Variants in CFAP20DC observed in about 807,000 individuals in gnomAD.
CFAP20DC encodes the protein CFAP20 domain containing.
A neutral mutation model predicts 101.7 loss-of-function variants in CFAP20DC; 84 were observed. That is an observed-to-expected ratio of 0.83 (90% CI 0.69 to 0.99). The LOEUF (loss-of-function observed/expected upper bound fraction) is 0.99, where lower values mean the gene tolerates loss of function less well. Among genes scored for constraint, CFAP20DC ranks in the 50% least tolerant of loss-of-function variants. CFAP20DC has a pLI of 0.00. For synonymous variants in CFAP20DC, 359 were observed against 351.2 expected (o/e 1.02, Z -0.25); for missense variants, 1,007 against 970.3 (o/e 1.04, Z -0.50).
intron 14 of CFAP20DC, among the ~76,000 whole-genome samples, chr3:58,812,355 C>G (rs1575719981): frequency 6.6e-6 from 1 of 152,152 alleles, no homozygotes; most frequent in Non-Finnish European, 1.5e-5. Context: ...CACATAAACA[C>G]CATGGAATAC....
chr3:58,889,653 A>C (rs1392222211), intron 6 of CFAP20DC, among the ~76,000 whole-genome samples: 1 of 143,832 alleles, frequency 7.0e-6, no homozygotes, highest in Non-Finnish European at 1.5e-5. Context: ...CAGCAGATAA[A>C]CAAGTGAACA....
intron 4 of CFAP20DC, among the ~76,000 whole-genome samples, chr3:59,032,860 C>G (rs1055940956): frequency 3.3e-4 from 51 of 152,316 alleles, no homozygotes; most frequent in African/African-American, 1.2e-3. Context: ...AAGGGACAGA[C>G]TGCCTCCTCA....
intron 5 of CFAP20DC, among the ~76,000 whole-genome samples, chr3:58,930,587 A>T (rs2086505931): frequency 6.6e-6 from 1 of 152,180 alleles, no homozygotes; most frequent in African/African-American, 2.4e-5. Flanking sequence ...CATGTATCTA[A>T]TCCTTGATAA....
At chr3:59,046,073 T>C (rs1187206575) in intron 3 of CFAP20DC, among the ~76,000 whole-genome samples, 156 bp downstream of exon 3, 1 of 152,098 alleles carries the variant, frequency 6.6e-6, no homozygotes. Flanking sequence ...GCATAGTGCC[T>C]AGCATAGTTA....
intron 6 of CFAP20DC, among the ~76,000 whole-genome samples, chr3:58,902,810 T>C (rs1299085726): frequency 6.6e-6 from 1 of 152,148 alleles, no homozygotes; most frequent in Middle Eastern, 3.2e-3. Flanking sequence ...CATCTCTATA[T>C]TACCTACAAT....
intron 15 of CFAP20DC, among the ~76,000 whole-genome samples, chr3:58,779,196 A>G (rs1263420703): frequency 6.6e-6 from 1 of 152,258 alleles, no homozygotes. Context: ...ATACAAGATA[A>G]TTCTGAAAAA....
intron 13 of CFAP20DC, among the ~76,000 whole-genome samples, chr3:58,832,563 A>C (rs1275119514): frequency 6.6e-6 from 1 of 152,186 alleles, no homozygotes; most frequent in Non-Finnish European, 1.5e-5. Flanking sequence ...TTCAACTTGC[A>C]GTAAGATTGA....
intron 4 of CFAP20DC, among the ~76,000 whole-genome samples, chr3:59,013,487 A>G (rs1421234969): frequency 6.6e-6 from 1 of 152,174 alleles, no homozygotes; most frequent in Non-Finnish European, 1.5e-5. Context: ...CACAGATAGC[A>G]ATTATGGAAG....
intron 14 of CFAP20DC, among the ~76,000 whole-genome samples, chr3:58,826,379 G>A (rs2076040740): frequency 6.6e-6 from 1 of 152,122 alleles, no homozygotes; most frequent in African/African-American, 2.4e-5. Context: ...GTACACATGT[G>A]TCATGGTGGT....
intron 5 of CFAP20DC, among the ~76,000 whole-genome samples, chr3:58,915,232 C>T (rs1006315111): frequency 2.0e-5 from 3 of 151,912 alleles, no homozygotes; most frequent in Non-Finnish European, 2.9e-5. Flanking sequence ...CATCTAAACA[C>T]GAAGTGAGGA....
chr3:59,019,584 C>A (rs976400966), intron 4 of CFAP20DC, among the ~76,000 whole-genome samples: 2 of 151,994 alleles, frequency 1.3e-5, no homozygotes, highest in Non-Finnish European at 2.9e-5. Context: ...AGAAATGAAG[C>A]TTTACTGTGT....
intron 15 of CFAP20DC, among the ~76,000 whole-genome samples, chr3:58,773,116 TA>T (rs1314120368): frequency 2.0e-5 from 3 of 151,992 alleles, no homozygotes; most frequent in Non-Finnish European, 2.9e-5. Flanking sequence ...AATATCTTTA[TA>T]AAGTATTTTA....
chr3:59,030,389 T>C (rs141420205), intron 4 of CFAP20DC, among the ~76,000 whole-genome samples: 1 of 152,362 alleles, frequency 6.6e-6, no homozygotes, highest in East Asian at 1.9e-4. Context: ...GCACTATATT[T>C]TGATTGTCTA....
At chr3:58,823,271 T>C (rs549377768) in intron 14 of CFAP20DC, among the ~76,000 whole-genome samples, 23 of 152,274 alleles carry the variant, frequency 1.5e-4, no homozygotes, top group African/African-American at 5.5e-4. Context: ...CCCTACAATA[T>C]GCTTATAAAC....
chr3:58,839,333 G>A (rs1432317037), intron 13 of CFAP20DC, among the ~76,000 whole-genome samples: 1 of 152,192 alleles, frequency 6.6e-6, no homozygotes, highest in Non-Finnish European at 1.5e-5. Flanking sequence ...TGAGAGTGAG[G>A]TGGAGCCTTT....
At chr3:59,024,382 C>T (rs956602902) in intron 4 of CFAP20DC, among the ~76,000 whole-genome samples, 1 of 152,212 alleles carries the variant, frequency 6.6e-6, no homozygotes, top group Admixed American at 6.5e-5. Context: ...CAACAGTAGC[C>T]TCATTGGGAT....
At chr3:58,878,764 C>T (rs2080975941) in intron 7 of CFAP20DC, among the ~76,000 whole-genome samples, 1 of 152,096 alleles carries the variant, frequency 6.6e-6, no homozygotes, top group Admixed American at 6.5e-5. Flanking sequence ...GTAATCCCAT[C>T]ACTTTGGGAG....
chr3:58,896,199 C>T (rs576202304), intron 6 of CFAP20DC, among the ~76,000 whole-genome samples: 1 of 152,166 alleles, frequency 6.6e-6, no homozygotes, highest in South Asian at 2.1e-4. Context: ...TTATACTATT[C>T]TCTGATGGTT....
At chr3:58,926,606 A>G (rs2086004358) in intron 5 of CFAP20DC, among the ~76,000 whole-genome samples, 1 of 152,170 alleles carries the variant, frequency 6.6e-6, no homozygotes, top group Admixed American at 6.5e-5. Flanking sequence ...AAAAAATTAA[A>G]CACTATTAAA....
Sources: allele counts gnomAD v4.1 joint callset (sites outside exome capture counted in the v4.1 genomes callset), GRCh38; gene constraint gnomAD v4.1.1; transcripts MANE v1.5; gene names NCBI Gene and HGNC (gene_info 2026-07-23, HGNC 2026-07-21).